The following CEP128 variants were observed in gnomAD, a reference collection of about 807,000 sequenced individuals.
CEP128 encodes centrosomal protein 128, also known as centrosomal protein 128kDa.
CEP128 carries 132 observed loss-of-function variants against 156.7 expected under a neutral mutation model. That is an observed-to-expected ratio of 0.84 (90% CI 0.73 to 0.97). CEP128 has a LOEUF of 0.97. Ranked by LOEUF, CEP128 falls within the 50% of genes least tolerant of loss-of-function variation. CEP128 has a pLI of 0.00. For missense variants in CEP128, 1,252 were observed against 1,281.9 expected (o/e 0.98, Z 0.36); for synonymous variants, 469 against 448.9 (o/e 1.04, Z -0.57).
intron 19 of CEP128, among the ~76,000 whole-genome samples, chr14:80,662,498 A>G (rs1895442431): frequency 6.6e-6 from 1 of 152,142 alleles, no homozygotes; most frequent in South Asian, 2.1e-4. Flanking sequence ...ATCAAAGCCA[A>G]TCTCTACCTT....
chr14:80,719,108 C>A (rs1029038125), intron 19 of CEP128, among the ~76,000 whole-genome samples: 8 of 152,148 alleles, frequency 5.3e-5, no homozygotes, highest in African/African-American at 1.9e-4. Flanking sequence ...ATAAGACACT[C>A]CCACCAGTGC....
intron 2 of CEP128, among the ~76,000 whole-genome samples, chr14:80,938,714 T>G (rs1463340186): frequency 6.6e-6 from 1 of 152,208 alleles, no homozygotes; most frequent in African/African-American, 2.4e-5. Context: ...ATAATTCATG[T>G]TGAATTTATT....
At chr14:80,572,819 T>C (rs1470685347) in intron 20 of CEP128, among the ~76,000 whole-genome samples, 6 of 152,240 alleles carry the variant, frequency 3.9e-5, no homozygotes, top group Non-Finnish European at 8.8e-5. Flanking sequence ...GCGTTGCTTT[T>C]CACAAAGTCA....
chr14:80,899,338 C>CT (rs569462131), intron 7 of CEP128, among the ~76,000 whole-genome samples: 42 of 152,214 alleles, frequency 2.8e-4, no homozygotes, highest in African/African-American at 9.1e-4. Context: ...GCATAAAAAT[C>CT]TTTGTTTTTC....
At chr14:80,776,482 T>C in intron 16 of CEP128, among the ~76,000 whole-genome samples, 1 of 148,054 alleles carries the variant, frequency 6.8e-6, no homozygotes, top group East Asian at 1.9e-4. Context: ...TTTATATATA[T>C]ATTTAATTTT....
intron 14 of CEP128, among the ~76,000 whole-genome samples, chr14:80,481,434 C>T (rs147725596): frequency 6.6e-6 from 1 of 152,314 alleles, no homozygotes; most frequent in Non-Finnish European, 1.5e-5. Context: ...CTCAGAGATA[C>T]AATTCAAGTT....
chr14:80,927,655 C>A (rs2139566696), intron 2 of CEP128, among the ~76,000 whole-genome samples: 1 of 152,250 alleles, frequency 6.6e-6, no homozygotes, highest in South Asian at 2.1e-4. Context: ...TGGCTCCCTC[C>A]CTTGCCCACC....
chr14:80,583,708 T>A (rs1891685505), intron 19 of CEP128, among the ~76,000 whole-genome samples: 1 of 152,214 alleles, frequency 6.6e-6, no homozygotes, highest in Admixed American at 6.5e-5. Context: ...CATCCACCCT[T>A]GACTGAAGCC....
At chr14:80,918,631 G>T (rs1884689762) in intron 2 of CEP128, among the ~76,000 whole-genome samples, 1 of 152,156 alleles carries the variant, frequency 6.6e-6, no homozygotes. Flanking sequence ...ACTGTGTTCT[G>T]CTGTCCGATT....
chr14:80,831,211 A>T lies in CEP128; in HGVS notation c.1141T>A (p.Leu381Ile), dbSNP rs770673106. 4 of 1,613,778 alleles carry T rather than the reference A, an allele frequency of 2.5e-6. No homozygotes were observed. The East Asian group carries it at 8.9e-5, about 36-fold the overall frequency. ...QLNFSAMASE[L>I]EEVKRCMERK... ...TCCATGCACCGTTTCACTTCCTCTAACTCAGATGCCATTGCGCTGAAGTTC... is the reference window on the plus strand; with the variant it reads ...TCCATGCACCGTTTCACTTCCTCTATCTCAGATGCCATTGCGCTGAAGTTC... Residue 381 changes from leucine (L) to isoleucine (I), a missense_variant, in exon 13 of 25, where the codon TTA becomes ATA. Coordinates refer to ENST00000555265, the MANE Select transcript of CEP128 (RefSeq NM_152446.5).
intron 19 of CEP128, among the ~76,000 whole-genome samples, chr14:80,673,450 C>A (rs1017888217): frequency 1.4e-5 from 2 of 145,632 alleles, no homozygotes; most frequent in Non-Finnish European, 3.0e-5. Context: ...GAGACCATCC[C>A]GGCTAAAACG....
intron 17 of CEP128, among the ~76,000 whole-genome samples, chr14:80,758,775 A>C (rs1899805762): frequency 6.6e-6 from 1 of 152,228 alleles, no homozygotes; most frequent in South Asian, 2.1e-4. Context: ...TTGAGTATCC[A>C]CTAAGCGCAA....
chr14:80,634,929 C>T (rs1479424509), intron 19 of CEP128, among the ~76,000 whole-genome samples: 1 of 152,188 alleles, frequency 6.6e-6, no homozygotes, highest in Non-Finnish European at 1.5e-5. Flanking sequence ...CCAGTTGCTT[C>T]CCACTGCCTG....
intron 19 of CEP128, among the ~76,000 whole-genome samples, chr14:80,600,679 T>C (rs1487876184): frequency 2.0e-5 from 3 of 152,156 alleles, no homozygotes; most frequent in Non-Finnish European, 4.4e-5. Flanking sequence ...ACAGTATAAA[T>C]GTATTTTTTC....
chr14:80,758,466 G>A (rs992289831), intron 17 of CEP128, among the ~76,000 whole-genome samples: 1 of 150,342 alleles, frequency 6.7e-6, no homozygotes, highest in Non-Finnish European at 1.5e-5. Flanking sequence ...AGGTTGCAGT[G>A]AGCAGAGATC....
intron 21 of CEP128, among the ~76,000 whole-genome samples, chr14:80,536,339 T>C (rs1333815918): frequency 1.3e-5 from 2 of 152,306 alleles, no homozygotes; most frequent in Middle Eastern, 3.4e-3. Context: ...CATTTTCTTA[T>C]AGTGTTATTG....
intron 8 of CEP128, among the ~76,000 whole-genome samples, chr14:80,883,950 A>G (rs771528148): frequency 6.6e-6 from 1 of 152,214 alleles, no homozygotes; most frequent in Middle Eastern, 3.2e-3. Context: ...CTCATTCTAG[A>G]CCAAGTTGCA....
At chr14:80,677,133 T>G (rs1459516064) in intron 19 of CEP128, among the ~76,000 whole-genome samples, 1 of 151,904 alleles carries the variant, frequency 6.6e-6, no homozygotes, top group African/African-American at 2.4e-5. Context: ...AAACTTGGAG[T>G]GTATGTGTAA....
chr14:80,627,476 T>C (rs1465578783), intron 19 of CEP128, among the ~76,000 whole-genome samples: 1 of 152,244 alleles, frequency 6.6e-6, no homozygotes, highest in East Asian at 1.9e-4. Flanking sequence ...CTAATGCTGT[T>C]GGCAGGACAT....
Sources: allele counts gnomAD v4.1 joint callset (sites outside exome capture counted in the v4.1 genomes callset), GRCh38; gene constraint gnomAD v4.1.1; transcripts MANE v1.5; gene names NCBI Gene and HGNC (gene_info 2026-07-23, HGNC 2026-07-21).